Variants in PSD3 observed in about 807,000 individuals in gnomAD.
PSD3 encodes the protein pleckstrin and Sec7 domain containing 3, also known as PH and SEC7 domain-containing protein 3.
In PSD3, 49 loss-of-function variants were observed where a neutral mutation model predicts 105.5. The observed-to-expected ratio is 0.46, with a 90% CI of 0.37 to 0.59. The LOEUF is 0.59. PSD3 is among the 20% of genes least tolerant of loss of function. PSD3 has a pLI of 0.00. For synonymous variants in PSD3, 557 were observed against 457.8 expected, an observed-to-expected ratio of 1.22 and a Z score of -2.77; for missense variants, 1,561 against 1,263.8, an observed-to-expected ratio of 1.24 and a Z score of -3.57.
At chr8:18,827,736 T>G (rs1479074302) in intron 4 of PSD3, among the ~76,000 whole-genome samples, 1 of 151,788 alleles carries the variant, frequency 6.6e-6, no homozygotes, top group Non-Finnish European at 1.5e-5. Context: ...ACAGGGTGGA[T>G]GGAGCAGGAT....
At chr8:18,965,527 G>T (rs12680430) in intron 1 of PSD3, among the ~76,000 whole-genome samples, 1 of 151,868 alleles carries the variant, frequency 6.6e-6, no homozygotes, top group Non-Finnish European at 1.5e-5. Context: ...GGTTGCCACT[G>T]TGACCATTTA....
intron 13 of PSD3, among the ~76,000 whole-genome samples, chr8:18,573,615 G>C (rs182224711): frequency 6.6e-6 from 1 of 152,084 alleles, no homozygotes; most frequent in Admixed American, 6.5e-5. Flanking sequence ...ACAGTATTTA[G>C]CAATAAAGTA....
At chr8:18,678,629 T>C (rs972954915) in intron 9 of PSD3, among the ~76,000 whole-genome samples, 1 of 152,168 alleles carries the variant, frequency 6.6e-6, no homozygotes, top group East Asian at 1.9e-4. Flanking sequence ...CCGACAAACA[T>C]GGAGAAACTC....
At chr8:18,691,406 C>T (rs997144086) in intron 9 of PSD3, among the ~76,000 whole-genome samples, 2 of 152,192 alleles carry the variant, frequency 1.3e-5, no homozygotes, top group Non-Finnish European at 2.9e-5. Context: ...CCACAGTCAG[C>T]TCAGACCTTT....
At chr8:18,667,227 G>C (rs1365133714) in intron 9 of PSD3, among the ~76,000 whole-genome samples, 1 of 152,128 alleles carries the variant, frequency 6.6e-6, no homozygotes, top group Non-Finnish European at 1.5e-5. Flanking sequence ...CTGTTTTACA[G>C]AGAACTGATT....
intron 15 of PSD3, among the ~76,000 whole-genome samples, chr8:18,554,383 ATTTTTAT>A (rs1800945217): frequency 1.3e-5 from 2 of 152,098 alleles, no homozygotes; most frequent in South Asian, 2.1e-4. Flanking sequence ...TTGTTGGTTT[ATTTTTAT>A]TTTTTATTTT....
chr8:18,993,571 C>G (rs1387557112), intron 1 of PSD3, among the ~76,000 whole-genome samples: 1 of 152,030 alleles, frequency 6.6e-6, no homozygotes, highest in Non-Finnish European at 1.5e-5. Flanking sequence ...GCTGTGATTG[C>G]TAGTAACAAT....
intron 12 of PSD3, among the ~76,000 whole-genome samples, chr8:18,579,227 A>G (rs1367319086): frequency 6.6e-6 from 1 of 151,976 alleles, no homozygotes; most frequent in East Asian, 1.9e-4. Context: ...TGACATCTTT[A>G]TTTTTCACTA....
At chr8:18,657,340 G>A (rs1408513417) in intron 9 of PSD3, among the ~76,000 whole-genome samples, 20 of 152,078 alleles carry the variant, frequency 1.3e-4, no homozygotes, top group Admixed American at 1.2e-3. Context: ...TATTATTTAC[G>A]ACTCAATACG....
chr8:18,742,984 G>C (rs1161990367), intron 9 of PSD3, among the ~76,000 whole-genome samples: 1 of 152,186 alleles, frequency 6.6e-6, no homozygotes, highest in African/African-American at 2.4e-5. Flanking sequence ...TCCAATGTGA[G>C]GGACAAGTCA....
At chr8:18,684,535 T>C (rs1389832969) in intron 9 of PSD3, among the ~76,000 whole-genome samples, 1 of 152,184 alleles carries the variant, frequency 6.6e-6, no homozygotes. Flanking sequence ...CAAAGGCATC[T>C]CAATGATCAA....
chr8:18,814,775 A>T (rs1468746807), intron 4 of PSD3, among the ~76,000 whole-genome samples: 1 of 152,132 alleles, frequency 6.6e-6, no homozygotes, highest in Admixed American at 6.5e-5. Flanking sequence ...TGACTCACTT[A>T]CAGTCTGACC....
intron 8 of PSD3, among the ~76,000 whole-genome samples, chr8:18,787,512 T>A (rs945160435): frequency 6.6e-6 from 1 of 151,998 alleles, no homozygotes; most frequent in Non-Finnish European, 1.5e-5. Flanking sequence ...TAAAAAAAAA[T>A]TCTATTTGGA....
chr8:18,543,491 G>A (rs890557673), intron 15 of PSD3, among the ~76,000 whole-genome samples: 3 of 151,860 alleles, frequency 2.0e-5, no homozygotes, highest in Non-Finnish European at 4.4e-5. Context: ...GGTGGCAGGC[G>A]CCTGTAGTCC....
intron 8 of PSD3, among the ~76,000 whole-genome samples, chr8:18,790,191 A>G (rs35809948): frequency 0.14 from 20,972 of 152,174 alleles, 1,738 homozygotes; most frequent in East Asian, 0.35. Flanking sequence ...TGGCATACTT[A>G]GATAAGGATT....
chr8:18,950,538 C>T (rs1823170313), intron 1 of PSD3, among the ~76,000 whole-genome samples: 1 of 152,258 alleles, frequency 6.6e-6, no homozygotes, highest in South Asian at 2.1e-4. Context: ...TCCCGATTTC[C>T]CCTACCCCAG....
rs576942869 is a variant in PSD3, at chr8:18,605,028, G to A, written c.2411-4594C>T. Among the ~76,000 whole-genome samples, 12 of 152,352 alleles carry A rather than the reference G, an allele frequency of 7.9e-5. No homozygotes were observed. The South Asian group carries it at 2.5e-3, about 32-fold the overall frequency. ...ATTCCCTACTAGGGCAGTGTGGAGG[G>A]CTAATGCAGGGTTAAAGCCCTCACA... On this transcript the variant is annotated intron_variant, in intron 11 of 15. Transcript: ENST00000327040.
chr8:18,933,666 C>G (rs1821893075), intron 2 of PSD3, among the ~76,000 whole-genome samples: 1 of 152,102 alleles, frequency 6.6e-6, no homozygotes, highest in Non-Finnish European at 1.5e-5. Flanking sequence ...CAGGCTTTCA[C>G]CATGTTGGCC....
At chr8:18,553,991 AT>A (rs1478108209) in intron 15 of PSD3, among the ~76,000 whole-genome samples, 1 of 152,120 alleles carries the variant, frequency 6.6e-6, no homozygotes, top group African/African-American at 2.4e-5. Context: ...GCAAGACTTA[AT>A]CCCTGCAAAA....
Sources: gnomAD v4.1 joint callset for allele counts (sites outside exome capture counted in the v4.1 genomes callset) on GRCh38, gnomAD v4.1.1 for gene constraint, MANE v1.5 for transcripts, NCBI Gene and HGNC (gene_info 2026-07-23, HGNC 2026-07-21) for gene names.